The following IL6R variants were observed in gnomAD, a reference collection of about 807,000 sequenced individuals.
IL6R encodes interleukin 6 receptor, also known as interleukin-6 receptor subunit alpha.
IL6R carries 38 observed loss-of-function variants against 48.3 expected under a neutral mutation model. The ratio of observed to expected loss-of-function variants is 0.79; its 90% CI spans 0.61 to 1.03. The LOEUF is 1.03. IL6R is among the 50% of genes least tolerant of loss of function. The pLI, the probability that IL6R is intolerant of heterozygous loss-of-function variation, is 0.00. For synonymous variants in IL6R, 264 were observed against 256.2 expected, an observed-to-expected ratio of 1.03 and a Z score of -0.29; for missense variants, 534 against 618.3, an observed-to-expected ratio of 0.86 and a Z score of 1.45.
At chr1:154,417,922 A>T (rs140162477) in intron 1 of IL6R, among the ~76,000 whole-genome samples, 1,541 of 152,008 alleles carry the variant, frequency 0.01, 21 homozygotes, top group African/African-American at 0.035. Flanking sequence ...TTTAGTAGAG[A>T]CAGGATTTCA....
chr1:154,433,651 G>A (rs1270912076), intron 3 of IL6R, among the ~76,000 whole-genome samples: 1 of 152,050 alleles, frequency 6.6e-6, no homozygotes, highest in Admixed American at 6.6e-5. Flanking sequence ...CTCACCCCTC[G>A]TGCCAGGCGC....
intron 1 of IL6R, among the ~76,000 whole-genome samples, chr1:154,428,916 G>A (rs922406214): frequency 3.3e-5 from 5 of 152,170 alleles, no homozygotes; most frequent in African/African-American, 1.2e-4. Flanking sequence ...TGAGGAGCTT[G>A]GACTTCATCT....
chr1:154,446,575 T>TA (rs1210983660), intron 6 of IL6R, among the ~76,000 whole-genome samples: 1 of 152,202 alleles, frequency 6.6e-6, no homozygotes, highest in Non-Finnish European at 1.5e-5. Context: ...CACTGCCTGT[T>TA]ACGGTTAAGG....
chr1:154,420,249 GC>G (rs1324036329), intron 1 of IL6R, among the ~76,000 whole-genome samples: 3 of 152,124 alleles, frequency 2.0e-5, no homozygotes, highest in Non-Finnish European at 4.4e-5. Flanking sequence ...AGTATTGTTT[GC>G]TTCCTGCCCT....
intron 1 of IL6R, among the ~76,000 whole-genome samples, chr1:154,426,171 CACACACACACACACACACACACAT>C (rs1441533626): frequency 6.7e-6 from 1 of 150,058 alleles, no homozygotes; most frequent in Non-Finnish European, 1.5e-5. Context: ...GACACACACA[CACACACACACACACACACACACAT>C]ATATACACAC....
At chr1:154,445,034 T>G (rs1466260812) in intron 6 of IL6R, 1 of 455,082 alleles carries the variant, frequency 2.2e-6, no homozygotes, top group Non-Finnish European at 4.4e-6. Flanking sequence ...TTTTCTGTAC[T>G]TGTCTCCACT....
At chr1:154,416,230 C>T (rs1055333327) in intron 1 of IL6R, among the ~76,000 whole-genome samples, 3 of 152,072 alleles carry the variant, frequency 2.0e-5, no homozygotes, top group East Asian at 3.9e-4. Context: ...CCTGGACTCA[C>T]GCAATCCTCT....
At chr1:154,419,561 GGGGCCTCCTGT>G (rs1440067550) in intron 1 of IL6R, among the ~76,000 whole-genome samples, 1 of 152,190 alleles carries the variant, frequency 6.6e-6, no homozygotes, top group Non-Finnish European at 1.5e-5. Context: ...GGTTAGGCTG[GGGGCCTCCTGT>G]GCTGCCAGCT....
chr1:154,425,787 A>G (rs1276933457), intron 1 of IL6R, among the ~76,000 whole-genome samples: 2 of 150,962 alleles, frequency 1.3e-5, no homozygotes, highest in Admixed American at 6.6e-5. Context: ...AAAAAGAAAA[A>G]AAAAAAAAGC....
intron 1 of IL6R, among the ~76,000 whole-genome samples, chr1:154,425,555 G>A (rs1250724188): frequency 2.6e-5 from 4 of 152,086 alleles, no homozygotes; most frequent in African/African-American, 9.7e-5. Flanking sequence ...TAGGAGGATT[G>A]CTTGAGGCCA....
At chr1:154,415,877 G>T (rs1368344916) in intron 1 of IL6R, among the ~76,000 whole-genome samples, 1 of 152,048 alleles carries the variant, frequency 6.6e-6, no homozygotes, top group African/African-American at 2.4e-5. Flanking sequence ...TACTCCGGAG[G>T]CTGAGGCAAG....
chr1:154,433,921 G>A (rs2149242923), intron 3 of IL6R, among the ~76,000 whole-genome samples: 1 of 151,796 alleles, frequency 6.6e-6, no homozygotes, highest in African/African-American at 2.4e-5. Flanking sequence ...TAGAGACAGG[G>A]TTTCACCATA....
At chr1:154,452,930 C>G (rs773466548) in intron 8 of IL6R, among the ~76,000 whole-genome samples, 31 of 152,038 alleles carry the variant, frequency 2.0e-4, no homozygotes, top group Non-Finnish European at 4.0e-4. Context: ...TATGGCCAGG[C>G]GCCGTGGCTC....
chr1:154,431,507 G>T (rs1365549499), intron 3 of IL6R, among the ~76,000 whole-genome samples: 1 of 152,162 alleles, frequency 6.6e-6, no homozygotes, highest in Non-Finnish European at 1.5e-5. Context: ...GCAGTAAGAG[G>T]TTAGCAATAA....
At chr1:154,447,476 T>TATATACACACACACACACAC in intron 6 of IL6R, among the ~76,000 whole-genome samples, 1 of 68,826 alleles carries the variant, frequency 1.5e-5, no homozygotes, top group African/African-American at 5.6e-5. Context: ...TATATATATA[T>TATATACACACACACACACAC]ACACACACAC....
chr1:154,452,755 C>T (rs1429646771), intron 8 of IL6R, among the ~76,000 whole-genome samples: 1 of 150,940 alleles, frequency 6.6e-6, no homozygotes, highest in Non-Finnish European at 1.5e-5. Flanking sequence ...AGGGTGAACC[C>T]GGGAGGCGGA....
intron 6 of IL6R, among the ~76,000 whole-genome samples, chr1:154,446,450 C>A (rs1690235266): frequency 6.6e-6 from 1 of 152,210 alleles, no homozygotes; most frequent in Non-Finnish European, 1.5e-5. Context: ...AGTCCTTACT[C>A]CTGGCCCAGC....
intron 1 of IL6R, among the ~76,000 whole-genome samples, chr1:154,426,076 GACACACACAC>G (rs34280647): frequency 3.3e-5 from 4 of 119,878 alleles, no homozygotes; most frequent in East Asian, 4.6e-4. Context: ...CCCTGTATCA[GACACACACAC>G]ACACACACAC....
At chr1:154,445,236 C>T (rs1041535420) in intron 6 of IL6R, 7 of 378,750 alleles carry the variant, frequency 1.8e-5, no homozygotes, top group Admixed American at 8.9e-5. Flanking sequence ...TTGCTCAGCA[C>T]GCAGGAGCTG....
Sources: allele counts gnomAD v4.1 joint callset (sites outside exome capture counted in the v4.1 genomes callset), GRCh38; gene constraint gnomAD v4.1.1; transcripts MANE v1.5; gene names NCBI Gene and HGNC (gene_info 2026-07-23, HGNC 2026-07-21).